Variants in RPAP2 observed in about 807,000 individuals in gnomAD.
RPAP2 encodes the protein putative RNA polymerase II subunit B1 CTD phosphatase RPAP2.
Under a neutral mutation model 73.1 loss-of-function variants are expected in RPAP2, and 52 were observed. That is an observed-to-expected ratio of 0.71 (90% CI 0.57 to 0.90). The LOEUF (loss-of-function observed/expected upper bound fraction) is 0.90. RPAP2 is among the 40% of genes least tolerant of loss of function. The pLI, the probability that RPAP2 is intolerant of heterozygous loss-of-function variation, is 0.00. For missense variants in RPAP2, 598 were observed against 701.8 expected, an observed-to-expected ratio of 0.85 and a Z score of 1.67; for synonymous variants, 225 against 242.1, an observed-to-expected ratio of 0.93 and a Z score of 0.65.
At chr1:92,358,725 C>A (rs1016575255) in intron 11 of RPAP2, among the ~76,000 whole-genome samples, 3 of 151,758 alleles carry the variant, frequency 2.0e-5, no homozygotes, top group Admixed American at 2.0e-4. Context: ...GCAGCTGGGA[C>A]CATAGGCATG....
At position 92,392,920 on chromosome 1, in the gene RPAP2, G is replaced by A. The variant is rs1280391637; in HGVS notation, c.*5909G>A. ...GCCTTGTTGCCCAAACTGATTTATA[G>A]ATTCAATGCTATCCCCATCAAGCTA... On this transcript the variant is annotated 3_prime_UTR_variant, in exon 13 of 13. Coordinates refer to ENST00000610020, the MANE Select transcript of RPAP2 (RefSeq NM_024813.3). The A allele has an allele frequency of 2.0e-5, 3 of 152,178 alleles. No individual in the cohort carries two copies. The highest frequency in any genetic ancestry group is 2.9e-5 in the Non-Finnish European group (2 of 68,034). 9.4% of individuals were successfully genotyped at this position (152,178 alleles called of 1,614,324 possible). A position where few individuals can be genotyped will look rare whatever the true frequency, so the allele number is the denominator to read the frequency against.
At chr1:92,372,114 A>G (rs1000453265) in intron 11 of RPAP2, among the ~76,000 whole-genome samples, 1 of 152,108 alleles carries the variant, frequency 6.6e-6, no homozygotes, top group African/African-American at 2.4e-5. Flanking sequence ...CTCCATAAAT[A>G]TATGCAATTT....
intron 11 of RPAP2, among the ~76,000 whole-genome samples, chr1:92,349,111 T>C (rs764962450): frequency 2.0e-5 from 3 of 152,230 alleles, no homozygotes; most frequent in Non-Finnish European, 4.4e-5. Context: ...TATCCTATTA[T>C]TCAGAAAATT....
chr1:92,323,965 A>G lies in RPAP2; in HGVS notation c.1045A>G (p.Arg349Gly). The G allele has an allele frequency of 6.2e-7, 1 of 1,614,192 alleles. No homozygotes were observed. ...RKFAKSNQVSRSVSSSVQVCP... is the reference protein window; with the variant it reads ...RKFAKSNQVSGSVSSSVQVCP... ...ATTTGCCAAATCAAACCAAGTGTCT[A>G]GGTCAGTGTCTAGTTCAGTGCAGGT... The change falls in exon 8 of 13, where the codon AGG becomes GGG. Residue 349 changes from arginine (R) to glycine (G), a missense_variant. By Grantham distance (125) the Arg-to-Gly change is moderately radical. This residue lies in a region of RPAP2 where 506 missense variants were observed against 612.8 expected (regional missense o/e 0.83). Transcript: ENST00000610020.
intron 8 of RPAP2, among the ~76,000 whole-genome samples, chr1:92,332,961 G>A (rs775415815): frequency 1.1e-4 from 16 of 152,076 alleles, no homozygotes; most frequent in Non-Finnish European, 1.9e-4. Context: ...CTCAGAGAGA[G>A]AGTCGGTTTG....
At chr1:92,320,710 G>A in intron 7 of RPAP2, 76 bp downstream of exon 7, 2 of 1,172,776 alleles carry the variant, frequency 1.7e-6, no homozygotes, top group African/African-American at 1.5e-5. Context: ...CAGGTGATAT[G>A]AGCTCTTGGA....
At position 92,388,155 on chromosome 1, in the gene RPAP2, G is replaced by A. The variant is rs981525458; in HGVS notation, c.*1144G>A. On this transcript the variant is annotated 3_prime_UTR_variant, in exon 13 of 13. Coordinates refer to ENST00000610020, the MANE Select transcript of RPAP2 (RefSeq NM_024813.3). The stretch of plus-strand genomic sequence containing the variant: ...CAGAAAACTCCAAAAATGAAATAAA[G>A]AAAATTGTGTTCACAATATCACCAA... 2.6e-5 allele frequency: 4 copies of A among 152,060 alleles called. No individual in the cohort carries two copies. Among genetic ancestry groups the A allele is most frequent in the Admixed American group, 2.6e-4 (4 of 15,274 alleles). The allele number at this position is 152,060 out of a possible 1,614,324, so 9.4% of individuals were successfully genotyped here.
chr1:92,371,527 G>A (rs1224730887), intron 11 of RPAP2, among the ~76,000 whole-genome samples: 6 of 151,520 alleles, frequency 4.0e-5, no homozygotes, highest in Non-Finnish European at 8.8e-5. Flanking sequence ...GGAATCAGCC[G>A]AAGTGTCCAT....
chr1:92,323,388 T>C (rs1652425728), intron 7 of RPAP2, 57 bp from the exon 8 acceptor site: 2 of 1,271,950 alleles, frequency 1.6e-6, no homozygotes, highest in East Asian at 2.3e-5. Flanking sequence ...TTCTATTGTT[T>C]TCGGGTTTTA....
At chr1:92,304,236 A>G (rs1027549282) in intron 4 of RPAP2, 48 bp from the exon 5 acceptor site, 4 of 1,282,192 alleles carry the variant, frequency 3.1e-6, no homozygotes, top group Middle Eastern at 3.7e-4. Context: ...CATAACGTTC[A>G]TGTTTATTAT....
chr1:92,336,417 C>A lies in RPAP2; in HGVS notation c.1609C>A (p.Arg537=). 3 of 1,600,032 alleles carry A rather than the reference C, an allele frequency of 1.9e-6. No homozygotes were observed. Among genetic ancestry groups the A allele is most frequent in the East Asian group, 2.2e-5 (1 of 44,686 alleles). ...DIYTQLKNLV[R]TFRLTNRNII... ...TTACACACAACTTAAAAATCTTGTT[C>A]GAACTTTCAGGTTAGTGTTTATATT... is the stretch of plus-strand genomic sequence containing the variant. The change falls in exon 10 of 13, where the codon CGA becomes AGA. Residue 537 remains arginine, a synonymous_variant. Transcript: ENST00000610020.
chr1:92,345,985 A>C lies in RPAP2; in HGVS notation c.1688+71A>C, dbSNP rs989513088. On this transcript the variant is annotated intron_variant, in intron 11 of 12. Transcript: ENST00000610020. ...ATATTGATTAGGGAAAAACAAAGTG[A>C]TCCACTGATTTTGTAAACTGCCTTG... 2.8e-6 allele frequency: 3 copies of C among 1,082,856 alleles called. No homozygotes were observed. In the African/African-American group the frequency reaches 4.7e-5, roughly 17 times the overall value. 67.1% of individuals were successfully genotyped at this position (1,082,856 alleles called of 1,614,324 possible).
intron 6 of RPAP2, 77 bp from the exon 7 acceptor site, chr1:92,320,522 A>G (rs1483931378): frequency 2.5e-5 from 29 of 1,169,016 alleles, no homozygotes; most frequent in Non-Finnish European, 3.7e-5. Context: ...CCGCCTGCCC[A>G]GCCTCCGAAA....
At chr1:92,362,574 A>C (rs1654775049) in intron 11 of RPAP2, among the ~76,000 whole-genome samples, 1 of 152,194 alleles carries the variant, frequency 6.6e-6, no homozygotes, top group African/African-American at 2.4e-5. Context: ...ATATCAGAAT[A>C]CACAAGGCTT....
rs548405497 is a variant in RPAP2, at chr1:92,394,486, T to G, written c.*7475T>G. The G allele has an allele frequency of 6.6e-6, 1 of 152,068 alleles. No homozygotes were observed. Among genetic ancestry groups the G allele is most frequent in the African/African-American group, 2.4e-5 (1 of 41,496 alleles). The allele number at this position is 152,068 out of a possible 1,614,324, so 9.4% of individuals were successfully genotyped here. A position where few individuals can be genotyped will look rare whatever the true frequency, so the allele number is the denominator to read the frequency against. On this transcript the variant is annotated 3_prime_UTR_variant, in exon 13 of 13. Transcript: ENST00000610020. Reference sequence around the variant, plus strand: ...ACTTAAAGTATAATAAAAAAAATAATTATTAAATTTTAAAAAACTAGCCAG... The same window carrying G: ...ACTTAAAGTATAATAAAAAAAATAAGTATTAAATTTTAAAAAACTAGCCAG...
intron 11 of RPAP2, among the ~76,000 whole-genome samples, chr1:92,347,886 C>T (rs991847026): frequency 4.6e-5 from 7 of 151,926 alleles, no homozygotes; most frequent in Admixed American, 2.6e-4. Context: ...TGTAGTGTAT[C>T]GCATGTTTCA....
At position 92,324,287 on chromosome 1, in the gene RPAP2, C is replaced by T. The variant is rs1203084538; in HGVS notation, c.1367C>T (p.Thr456Ile). The T allele has an allele frequency of 1.2e-6, 2 of 1,613,944 alleles. No individual in the cohort carries two copies. Among genetic ancestry groups the T allele is most frequent in the South Asian group, 2.2e-5 (2 of 91,068 alleles). ...AGTTACGAGAATTTGAAAAAAGAAA[C>T]TGAAAAGTTAAATCTGAGGATCAGG... Reference protein sequence around the residue: ...LPSYENLKKETEKLNLRIREF... With the variant: ...LPSYENLKKEIEKLNLRIREF... The change falls in exon 8 of 13, where the codon ACT (threonine) becomes ATT (isoleucine). Residue 456 changes from threonine (T) to isoleucine (I), a missense_variant. Thr to Ile is a moderately conservative substitution (Grantham distance 89). This residue lies in a region of RPAP2 where 506 missense variants were observed against 612.8 expected (regional missense o/e 0.83). Transcript: ENST00000610020.
chr1:92,370,462 C>G (rs1308792213), intron 11 of RPAP2, among the ~76,000 whole-genome samples: 1 of 152,056 alleles, frequency 6.6e-6, no homozygotes, highest in East Asian at 1.9e-4. Context: ...CGTACCCCCC[C>G]ACCAAAAACA....
Position 92,397,850 on chromosome 1 carries a change from A to T in RPAP2, c.*10839A>T, listed in dbSNP as rs1571166671. 6.6e-6 allele frequency: 1 copy of T among 152,454 alleles called. No individual in the cohort carries two copies. Among genetic ancestry groups the T allele is most frequent in the East Asian group, 1.9e-4 (1 of 5,182 alleles). 9.4% of individuals were successfully genotyped at this position (152,454 alleles called of 1,614,324 possible). On this transcript the variant is annotated 3_prime_UTR_variant, in exon 13 of 13. Transcript: ENST00000610020. The stretch of plus-strand genomic sequence containing the variant: ...GGATAGAAGCATGTCAGACAGACAC[A>T]GGAGCCAATCTGAAAGAGCTCCCTG...
Sources: gnomAD v4.1 joint callset for allele counts (sites outside exome capture counted in the v4.1 genomes callset) on GRCh38, gnomAD v4.1.1 for gene constraint, gnomAD v4.1.1 regional missense constraint, MANE v1.5 for transcripts, NCBI Gene and HGNC (gene_info 2026-07-23, HGNC 2026-07-21) for gene names.